ATP11A: variants seen among roughly 807,000 people sequenced by gnomAD.
The protein encoded by ATP11A is phospholipid-transporting ATPase IH.
A neutral mutation model predicts 154.4 loss-of-function variants in ATP11A; 81 were observed. That is an observed-to-expected ratio of 0.52 (90% CI 0.44 to 0.63). The LOEUF (loss-of-function observed/expected upper bound fraction) is 0.63, where lower values mean the gene tolerates loss of function less well. ATP11A is among the 30% of genes least tolerant of loss of function. ATP11A has a pLI of 0.00. For synonymous variants in ATP11A, 623 were observed against 585.9 expected (o/e 1.06, Z -0.91); for missense variants, 1,316 against 1,474.3 (o/e 0.89, Z 1.76).
At chr13:112,702,670 A>G (rs1050476464) in intron 1 of ATP11A, among the ~76,000 whole-genome samples, 3 of 152,176 alleles carry the variant, frequency 2.0e-5, no homozygotes, top group Non-Finnish European at 4.4e-5. Flanking sequence ...GCTGATATCT[A>G]TCCCCTCTCA....
intron 1 of ATP11A, among the ~76,000 whole-genome samples, chr13:112,744,743 C>T (rs753011167): frequency 2.0e-5 from 3 of 152,228 alleles, no homozygotes; most frequent in Non-Finnish European, 4.4e-5. Flanking sequence ...GTGTAAAGCA[C>T]AGAGTGCTCT....
chr13:112,757,393 C>T (rs181712147), intron 1 of ATP11A, among the ~76,000 whole-genome samples: 31 of 152,378 alleles, frequency 2.0e-4, no homozygotes, highest in Non-Finnish European at 3.8e-4. Flanking sequence ...TTCCGAGTCT[C>T]TTAGTGTCAT....
chr13:112,803,887 A>C (rs1366928141), intron 2 of ATP11A, among the ~76,000 whole-genome samples: 82 of 41,680 alleles, frequency 2.0e-3, no homozygotes, highest in South Asian at 4.6e-3. Context: ...TCCTTCCCTC[A>C]TTCCCCTCCT....
chr13:112,745,071 T>C (rs1177325183), intron 1 of ATP11A, among the ~76,000 whole-genome samples: 1 of 152,196 alleles, frequency 6.6e-6, no homozygotes, highest in African/African-American at 2.4e-5. Context: ...ATAATAACTA[T>C]TACTATTATT....
intron 28 of ATP11A, among the ~76,000 whole-genome samples, chr13:112,876,863 G>T (rs2080744004): frequency 6.6e-6 from 1 of 152,138 alleles, no homozygotes; most frequent in Non-Finnish European, 1.5e-5. Flanking sequence ...TGCTGTGCTG[G>T]GAGGGAAGAC....
At chr13:112,734,911 C>T (rs368243911) in intron 1 of ATP11A, among the ~76,000 whole-genome samples, 1 of 152,124 alleles carries the variant, frequency 6.6e-6, no homozygotes, top group Admixed American at 6.6e-5. Context: ...CCATGAATAC[C>T]GACTGGTGAG....
intron 1 of ATP11A, among the ~76,000 whole-genome samples, chr13:112,698,992 T>C (rs957386589): frequency 3.9e-5 from 6 of 152,234 alleles, no homozygotes; most frequent in African/African-American, 1.4e-4. Context: ...CCTCCCAAAG[T>C]ACTGGCATTA....
At chr13:112,818,886 G>A (rs1002607088) in intron 6 of ATP11A, among the ~76,000 whole-genome samples, 8 of 152,216 alleles carry the variant, frequency 5.3e-5, no homozygotes, top group Admixed American at 2.0e-4. Flanking sequence ...CAACAGCAAC[G>A]GGCACAGGCA....
chr13:112,819,492 A>G (rs2078737957), intron 7 of ATP11A, 85 bp downstream of exon 7: 2 of 1,162,940 alleles, frequency 1.7e-6, no homozygotes, highest in South Asian at 1.3e-5. Flanking sequence ...TAGTCCAGCC[A>G]TGTGGTGGTT....
rs115872557 is a variant in ATP11A, at chr13:112,758,031, C to T, written c.40-27104C>T. 9.4e-3 allele frequency among the ~76,000 whole-genome samples: 1,428 copies of T among 152,316 alleles called. 24 individuals carry two copies. Among genetic ancestry groups the T allele is most frequent in the African/African-American group, 0.032 (1,312 of 41,568 alleles). ...GGACACATGCTACTCAGGTTCCATCCAAGTCTCAACCTTTGTTTTTACACT... is the reference window on the plus strand; with the variant it reads ...GGACACATGCTACTCAGGTTCCATCTAAGTCTCAACCTTTGTTTTTACACT... On this transcript the variant is annotated intron_variant, in intron 1 of 29. Coordinates refer to ENST00000375645, the MANE Select transcript of ATP11A (RefSeq NM_015205.3).
At chr13:112,816,051 C>G in intron 5 of ATP11A, 32 bp from the exon 6 acceptor site, 1 of 1,613,278 alleles carries the variant, frequency 6.2e-7, no homozygotes. Context: ...GAGGGGCTTT[C>G]CATTGACCAT....
intron 1 of ATP11A, among the ~76,000 whole-genome samples, chr13:112,728,577 G>A (rs905317035): frequency 7.2e-6 from 1 of 138,744 alleles, no homozygotes; most frequent in Admixed American, 7.3e-5. Flanking sequence ...TATGTACCGC[G>A]TTGTCACTAT....
chr13:112,882,986 G>A lies in ATP11A; in HGVS notation c.*1120G>A, dbSNP rs1013165958. On this transcript the variant is annotated 3_prime_UTR_variant, in exon 30 of 30. Transcript: ENST00000375645. The surrounding 1 kb of genome is among the most constrained non-coding windows in gnomAD (Gnocchi z 5.1). ...TCCCGCACTGCAGCTCCGCCCGCCG[G>A]GCTCTGCGTCCCCACGTCCCCTCGT... 2.3e-5 allele frequency: 9 copies of A among 399,240 alleles called. No individual in the cohort carries two copies. In the Admixed American group the frequency reaches 3.5e-4, roughly 16 times the overall value. 24.7% of individuals were successfully genotyped at this position (399,240 alleles called of 1,614,324 possible). A position where few individuals can be genotyped will look rare whatever the true frequency, so the allele number is the denominator to read the frequency against.
At chr13:112,835,870 G>GGT (rs1464311191) in intron 15 of ATP11A, among the ~76,000 whole-genome samples, 1 of 152,236 alleles carries the variant, frequency 6.6e-6, no homozygotes, top group Non-Finnish European at 1.5e-5. Context: ...GGAGGGAGTC[G>GGT]GTGCGTAGGG....
chr13:112,843,775 C>T (rs1198346508), intron 17 of ATP11A, among the ~76,000 whole-genome samples: 1 of 152,222 alleles, frequency 6.6e-6, no homozygotes, highest in East Asian at 1.9e-4. Context: ...CCCGTGCGTG[C>T]AGCAGCCAGA....
rs145600358 is a variant in ATP11A at position 112,828,015 on chromosome 13, G to A, written c.1221+1124G>A. Among the ~76,000 whole-genome samples the A allele has an allele frequency of 1.2e-3, 184 of 152,378 alleles. 3 individuals are homozygous for A. The highest frequency in any genetic ancestry group is 4.2e-3 in the African/African-American group (174 of 41,598). ...TGCAACAATAGATGGTACATTTTGT[G>A]AGCTTCTGATAAATTCTTTGGGAAA... On this transcript the variant is annotated intron_variant, in intron 12 of 29. Coordinates refer to ENST00000375645, the MANE Select transcript of ATP11A (RefSeq NM_015205.3).
chr13:112,807,023 T>C lies in ATP11A; in HGVS notation c.333+730T>C, dbSNP rs978954631. Among the ~76,000 whole-genome samples the C allele has an allele frequency of 5.3e-5, 8 of 152,234 alleles. No homozygotes were observed. Among genetic ancestry groups the C allele is most frequent in the African/African-American group, 1.9e-4 (8 of 41,454 alleles). On this transcript the variant is annotated intron_variant, in intron 4 of 29. Coordinates refer to ENST00000375645, the MANE Select transcript of ATP11A (RefSeq NM_015205.3). This position sits in a 1 kb window ranked among gnomAD's most constrained non-coding sequence, Gnocchi z 4.5. ...CTGCACATACCTGGCATTTTGTGTA[T>C]CACGCGTCCTCTGTGGATGGACATT...
intron 1 of ATP11A, among the ~76,000 whole-genome samples, chr13:112,742,761 C>T (rs1020824555): frequency 1.3e-5 from 2 of 152,164 alleles, no homozygotes; most frequent in South Asian, 2.1e-4. Flanking sequence ...TCAGGGGGCT[C>T]GGACACGTGC....
intron 29 of ATP11A, chr13:112,880,477 G>A: frequency 8.2e-7 from 1 of 1,224,246 alleles, no homozygotes; most frequent in Non-Finnish European, 1.1e-6. Context: ...GATGGTGCAG[G>A]CAGAGGCCCG....
Sources: gnomAD v4.1 joint callset for allele counts (sites outside exome capture counted in the v4.1 genomes callset) on GRCh38, gnomAD v4.1.1 for gene constraint, Gnocchi (gnomAD v3.1) non-coding constraint, MANE v1.5 for transcripts, NCBI Gene and HGNC (gene_info 2026-07-23, HGNC 2026-07-21) for gene names.